Variants in MCTP1 observed in about 807,000 individuals in gnomAD.
MCTP1 encodes the protein multiple C2 and transmembrane domain containing 1, also known as multiple C2 and transmembrane domain-containing protein 1.
A neutral mutation model predicts 120.6 loss-of-function variants in MCTP1; 69 were observed. The ratio of observed to expected loss-of-function variants is 0.57; its 90% CI spans 0.47 to 0.70. The LOEUF (loss-of-function observed/expected upper bound fraction) is 0.70, where lower values mean the gene tolerates loss of function less well. Ranked by LOEUF, MCTP1 falls within the 30% of genes least tolerant of loss-of-function variation. MCTP1 has a pLI of 0.00. For synonymous variants in MCTP1, 529 were observed against 493.1 expected (o/e 1.07, Z -0.96); for missense variants, 1,203 against 1,248.8 (o/e 0.96, Z 0.55).
rs1048191789 is a variant in MCTP1, at chr5:94,830,668, G to A, written c.2437-31536C>T. On this transcript the variant is annotated intron_variant, in intron 17 of 22. Coordinates refer to ENST00000515393, the MANE Select transcript of MCTP1 (RefSeq NM_024717.7). The stretch of plus-strand genomic sequence containing the variant: ...TATGAGAATTCATATATCTGACTAA[G>A]TTCCTTATGGAGGAAATATATAATT... Among the ~76,000 whole-genome samples, 7 of 152,294 alleles carry A rather than the reference G, an allele frequency of 4.6e-5. No homozygotes were observed. In the South Asian group the frequency reaches 6.2e-4, roughly 14 times the overall value.
chr5:94,825,032 A>G (rs891415227), intron 17 of MCTP1, among the ~76,000 whole-genome samples: 7 of 152,074 alleles, frequency 4.6e-5, no homozygotes, highest in Admixed American at 3.3e-4. Flanking sequence ...TCATGTCTCT[A>G]TCTCCTGCAG....
intron 1 of MCTP1, among the ~76,000 whole-genome samples, chr5:95,247,691 T>C (rs1390860669): frequency 6.6e-6 from 1 of 152,222 alleles, no homozygotes; most frequent in East Asian, 1.9e-4. Flanking sequence ...TTCCATGTAG[T>C]TGTGCGATTT....
chr5:95,038,058 A>G (rs904296567), intron 1 of MCTP1: 4 of 905,060 alleles, frequency 4.4e-6, no homozygotes, highest in Non-Finnish European at 4.0e-6. Context: ...TGAGTTTAAA[A>G]CAAAACTCAC....
chr5:94,919,095 G>T (rs78861849), intron 7 of MCTP1, among the ~76,000 whole-genome samples: 5,506 of 152,240 alleles, frequency 0.036, 145 homozygotes, highest in Middle Eastern at 0.055. Context: ...TAGGTGAAAT[G>T]TATCCTTGGT....
intron 1 of MCTP1, among the ~76,000 whole-genome samples, chr5:95,152,139 A>G (rs1363998436): frequency 6.6e-6 from 1 of 152,250 alleles, no homozygotes; most frequent in Non-Finnish European, 1.5e-5. Context: ...AAAATGAACT[A>G]AAGCCCATAA....
At chr5:94,796,534 A>G (rs1371240627) in intron 18 of MCTP1, among the ~76,000 whole-genome samples, 3 of 146,432 alleles carry the variant, frequency 2.0e-5, no homozygotes, top group African/African-American at 7.6e-5. Context: ...CCCTACAAAC[A>G]CTTTCCCTAA....
At chr5:94,887,947 G>A (rs544795064) in intron 12 of MCTP1, among the ~76,000 whole-genome samples, 3 of 152,280 alleles carry the variant, frequency 2.0e-5, no homozygotes, top group African/African-American at 7.2e-5. Flanking sequence ...GGTAGAAAAA[G>A]CACATTTCTT....
chr5:94,978,651 A>T (rs1293053899), intron 2 of MCTP1, among the ~76,000 whole-genome samples: 2 of 152,158 alleles, frequency 1.3e-5, no homozygotes, highest in African/African-American at 4.8e-5. Flanking sequence ...AAATAGTCAA[A>T]CTCATTGAAT....
At chr5:95,003,160 A>C (rs1834056064) in intron 2 of MCTP1, among the ~76,000 whole-genome samples, 1 of 152,228 alleles carries the variant, frequency 6.6e-6, no homozygotes, top group Admixed American at 6.5e-5. Context: ...TGAGTTAATT[A>C]AACCTCTTTT....
intron 1 of MCTP1, among the ~76,000 whole-genome samples, chr5:95,208,131 C>T (rs1751885065): frequency 6.6e-6 from 1 of 152,078 alleles, no homozygotes; most frequent in South Asian, 2.1e-4. Context: ...CTCCTGTTGC[C>T]CAGGCTGGAG....
At chr5:95,159,273 T>C (rs1745463157) in intron 1 of MCTP1, among the ~76,000 whole-genome samples, 1 of 152,082 alleles carries the variant, frequency 6.6e-6, no homozygotes, top group Non-Finnish European at 1.5e-5. Flanking sequence ...TACCCAAAAC[T>C]CAGAAAACAT....
At chr5:94,776,761 A>C (rs1214729534) in intron 19 of MCTP1, among the ~76,000 whole-genome samples, 1 of 152,182 alleles carries the variant, frequency 6.6e-6, no homozygotes, top group African/African-American at 2.4e-5. Context: ...CTGTGTACAC[A>C]AACTTTAAAT....
At chr5:95,154,837 A>C (rs1353540866) in intron 1 of MCTP1, among the ~76,000 whole-genome samples, 1 of 152,108 alleles carries the variant, frequency 6.6e-6, no homozygotes, top group African/African-American at 2.4e-5. Context: ...ATGGTGGATA[A>C]ATTTTGTGAT....
intron 1 of MCTP1, among the ~76,000 whole-genome samples, chr5:95,100,130 G>T (rs2152365351): frequency 7.9e-6 from 1 of 125,804 alleles, no homozygotes; most frequent in Non-Finnish European, 1.6e-5. Context: ...TTGTGGGGTG[G>T]GGGGAGGGGG....
chr5:94,868,602 A>G, intron 16 of MCTP1, 150 bp from the exon 17 acceptor site: 1 of 507,894 alleles, frequency 2.0e-6, no homozygotes, highest in Middle Eastern at 5.0e-4. Context: ...CTCACAAGTT[A>G]AAGAATTTAT....
At chr5:94,845,545 TTTTG>T (rs762611658) in intron 17 of MCTP1, among the ~76,000 whole-genome samples, 66 of 152,180 alleles carry the variant, frequency 4.3e-4, no homozygotes, top group Admixed American at 8.5e-4. Flanking sequence ...TTTTTTGTTT[TTTTG>T]TTTGTTTGTT....
chr5:94,711,677 A>C (rs1757069368), intron 20 of MCTP1, among the ~76,000 whole-genome samples: 1 of 152,076 alleles, frequency 6.6e-6, no homozygotes, highest in South Asian at 2.1e-4. Flanking sequence ...TATTGACAAC[A>C]AGACATGATA....
At chr5:95,209,314 A>G (rs76051751) in intron 1 of MCTP1, among the ~76,000 whole-genome samples, 1,829 of 152,272 alleles carry the variant, frequency 0.012, 40 homozygotes, top group African/African-American at 0.04. Flanking sequence ...CTTTCTTATC[A>G]ATAGTCTCAA....
In MCTP1 at chr5:94,940,175, G is replaced by A. The variant is rs758508101; in HGVS notation, c.1082C>T (p.Thr361Ile). The A allele has an allele frequency of 6.2e-7, 1 of 1,604,054 alleles. No individual in the cohort carries two copies. ...GTCAGGATAATGAGGATCTTTCAGA[G>A]TAAGGGTCACATCTGTGGGCCTGTG... ...ELNRPTDVTLTLKDPHYPDHD... is the reference protein window; with the variant it reads ...ELNRPTDVTLILKDPHYPDHD... Residue 361 changes from threonine to isoleucine, a missense_variant, in exon 5 of 23, where the codon ACT becomes ATT. Thr to Ile is a moderately conservative substitution (Grantham distance 89). Coordinates refer to ENST00000515393, the MANE Select transcript of MCTP1 (RefSeq NM_024717.7).
Sources: allele counts gnomAD v4.1 joint callset (sites outside exome capture counted in the v4.1 genomes callset), GRCh38; gene constraint gnomAD v4.1.1; transcripts MANE v1.5; gene names NCBI Gene and HGNC (gene_info 2026-07-23, HGNC 2026-07-21).